GPD2: variants seen among roughly 807,000 people sequenced by gnomAD.
The protein encoded by GPD2 is glycerol-3-phosphate dehydrogenase, mitochondrial.
GPD2 carries 54 observed loss-of-function variants against 82.4 expected under a neutral mutation model. The ratio of observed to expected loss-of-function variants is 0.66; its 90% CI spans 0.53 to 0.82. GPD2 has a LOEUF of 0.82. GPD2 is among the 40% of genes least tolerant of loss of function. The pLI is 0.00. For missense variants in GPD2, 748 were observed against 896.2 expected (o/e 0.83, Z 2.11); for synonymous variants, 288 against 306.1 (o/e 0.94, Z 0.62).
rs139527634 is a variant in GPD2 at position 156,441,384 on chromosome 2, T to G, written c.-9+4871T>G. Among the ~76,000 whole-genome samples the G allele has an allele frequency of 1.7e-3, 266 of 152,114 alleles. 1 individual carries two copies. The highest frequency in any genetic ancestry group is 6.0e-3 in the African/African-American group (251 of 41,494). ...CTGGGCCACGTGGAGAGACCCTGTC[T>G]CTACAAAAAATTAAAAAAGAAAAAA... On this transcript the variant is annotated intron_variant, in intron 1 of 16. Transcript: ENST00000438166.
chr2:156,430,350 A>G (rs146392920), upstream of GPD2, among the ~76,000 whole-genome samples: 543 of 152,312 alleles, frequency 3.6e-3, 3 homozygotes, highest in African/African-American at 0.012. Flanking sequence ...AAGAAAAAAA[A>G]ACAGAAAAAC....
Position 156,583,162 on chromosome 2 carries a change from A to G in GPD2, c.*244A>G, listed in dbSNP as rs1485649987. On this transcript the variant is annotated 3_prime_UTR_variant, in exon 17 of 17. Transcript: ENST00000438166. ...TTTCTTTTTCTCATTTTCAATGCACATTAGTTTTGCATCTGTTTTGTGACC... is the reference window on the plus strand; with the variant it reads ...TTTCTTTTTCTCATTTTCAATGCACGTTAGTTTTGCATCTGTTTTGTGACC... 8.5e-6 allele frequency: 4 copies of G among 468,342 alleles called. No homozygotes were observed. Among genetic ancestry groups the G allele is most frequent in the African/African-American group, 2.0e-5 (1 of 50,488 alleles). The allele number at this position is 468,342 out of a possible 1,614,324, so 29.0% of individuals were successfully genotyped here.
At chr2:156,514,754 C>T (rs921200476) in intron 6 of GPD2, among the ~76,000 whole-genome samples, 14 of 152,212 alleles carry the variant, frequency 9.2e-5, no homozygotes, top group African/African-American at 2.4e-4. Context: ...ACAGTGCTTC[C>T]GAGCATCTGA....
intron 1 of GPD2, among the ~76,000 whole-genome samples, chr2:156,442,528 T>C (rs1002622741): frequency 6.6e-6 from 1 of 152,192 alleles, no homozygotes; most frequent in African/African-American, 2.4e-5. Context: ...AGAAAGGATA[T>C]TGGCTAAGTG....
chr2:156,560,832 A>G (rs904456455), intron 9 of GPD2, among the ~76,000 whole-genome samples: 2 of 152,278 alleles, frequency 1.3e-5, no homozygotes, highest in Middle Eastern at 3.4e-3. Flanking sequence ...CAGTTATTCA[A>G]TTACATGCTA....
chr2:156,513,626 C>A (rs1685087489), intron 6 of GPD2, 130 bp downstream of exon 6: 2 of 738,294 alleles, frequency 2.7e-6, no homozygotes, highest in South Asian at 3.1e-5. Flanking sequence ...AACACACGTG[C>A]ACGCACATAT....
chr2:156,543,789 G>A (rs1686419577), intron 6 of GPD2, among the ~76,000 whole-genome samples: 1 of 152,176 alleles, frequency 6.6e-6, no homozygotes, highest in African/African-American at 2.4e-5. Context: ...TAGGACGAAT[G>A]TGAAGGAGTG....
At chr2:156,419,184 C>T in the GPD2 span, among the ~76,000 whole-genome samples, 1 of 151,544 alleles carries the variant, frequency 6.6e-6, no homozygotes, top group Non-Finnish European at 1.5e-5. Flanking sequence ...CTCAGCCCCC[C>T]AAGTAGCTGA....
chr2:156,530,660 A>G (rs1320363517), intron 6 of GPD2, among the ~76,000 whole-genome samples: 1 of 151,938 alleles, frequency 6.6e-6, no homozygotes, highest in Non-Finnish European at 1.5e-5. Context: ...AATTTTGTCA[A>G]AGGCCTTTTC....
chr2:156,456,956 C>T (rs1486460229), intron 1 of GPD2, among the ~76,000 whole-genome samples: 1 of 152,148 alleles, frequency 6.6e-6, no homozygotes, highest in Non-Finnish European at 1.5e-5. Context: ...CACTGACCCT[C>T]GTTCCCCAGT....
intron 6 of GPD2, among the ~76,000 whole-genome samples, chr2:156,519,544 G>C (rs1056672727): frequency 6.6e-6 from 1 of 152,086 alleles, no homozygotes; most frequent in Non-Finnish European, 1.5e-5. Flanking sequence ...TACCCTTTTT[G>C]TATCCTTATT....
chr2:156,586,152 G>C lies in GPD2; in HGVS notation c.*3234G>C, dbSNP rs780017742. On this transcript the variant is annotated 3_prime_UTR_variant, in exon 17 of 17. Transcript: ENST00000438166. ...TGAATCAATAAAACTGATTAAAATG[G>C]TCTATTTGCTAGCATTTTGATGTTA... 2 of 152,328 alleles carry C rather than the reference G, an allele frequency of 1.3e-5. No individual in the cohort carries two copies. The highest frequency in any genetic ancestry group is 2.9e-5 in the Non-Finnish European group (2 of 67,936). The allele number at this position is 152,328 out of a possible 1,614,324, so 9.4% of individuals were successfully genotyped here.
In GPD2 at chr2:156,461,867, G is replaced by C. The variant is rs577592014; in HGVS notation, c.-8-14231G>C. 3.9e-5 allele frequency among the ~76,000 whole-genome samples: 6 copies of C among 152,336 alleles called. No homozygotes were observed. The East Asian group carries it at 1.2e-3, about 29-fold the overall frequency. On this transcript the variant is annotated intron_variant, in intron 1 of 16. Transcript: ENST00000438166. The stretch of plus-strand genomic sequence containing the variant: ...GCCAGGTATTCAGTCAATCCCAGTT[G>C]AATGTATGTTACCTGAACCAATGCT...
Position 156,535,118 on chromosome 2 carries a change from G to T in GPD2, c.662-14490G>T, listed in dbSNP as rs75712410. 9.1e-3 allele frequency among the ~76,000 whole-genome samples: 1,391 copies of T among 152,046 alleles called. 22 individuals are homozygous for T. Among genetic ancestry groups the T allele is most frequent in the African/African-American group, 0.031 (1,301 of 41,452 alleles). On this transcript the variant is annotated intron_variant, in intron 6 of 16. Transcript: ENST00000438166. ...TAGGGCCTGAATCATGGAGGACAAGGTATGCCAGGATGAGGAGTTTAGTTT... is the reference window on the plus strand; with the variant it reads ...TAGGGCCTGAATCATGGAGGACAAGTTATGCCAGGATGAGGAGTTTAGTTT...
At chr2:156,489,897 C>T (rs1375846095) in intron 2 of GPD2, among the ~76,000 whole-genome samples, 1 of 139,030 alleles carries the variant, frequency 7.2e-6, no homozygotes, top group Non-Finnish European at 1.6e-5. Context: ...CCCCTCCTTC[C>T]TTCACTACCC....
intron 6 of GPD2, among the ~76,000 whole-genome samples, chr2:156,539,178 TAG>T (rs1244415035): frequency 3.9e-5 from 6 of 152,210 alleles, no homozygotes; most frequent in Non-Finnish European, 7.3e-5. Context: ...TTAACAATAT[TAG>T]CTTCATTCTT....
rs200512031 is a variant in GPD2 at position 156,463,281 on chromosome 2, A to AT, written c.-8-12807dup. ...GTATTTTAATCCAAAAGAATACAGAATTTTTTTTTTAACTGTATACTCCAC... is the reference window on the plus strand; with the variant it reads ...GTATTTTAATCCAAAAGAATACAGAATTTTTTTTTTTAACTGTATACTCCAC... On this transcript the variant is annotated intron_variant, in intron 1 of 16. Transcript: ENST00000438166. Among the ~76,000 whole-genome samples the AT allele has an allele frequency of 7.4e-3, 1,120 of 150,892 alleles. 13 individuals are homozygous for AT. Among genetic ancestry groups the AT allele is most frequent in the African/African-American group, 0.026 (1,059 of 41,206 alleles).
chr2:156,562,777 T>C (rs1687223853), intron 9 of GPD2, among the ~76,000 whole-genome samples: 1 of 152,194 alleles, frequency 6.6e-6, no homozygotes, highest in Non-Finnish European at 1.5e-5. Context: ...GCCGTGAAAA[T>C]TGTCTGTTCA....
In GPD2 at chr2:156,557,658, G is replaced by A. The variant is rs1263059244; in HGVS notation, c.1165+76G>A. On this transcript the variant is annotated intron_variant, in intron 9 of 16. Coordinates refer to ENST00000438166, the MANE Select transcript of GPD2 (RefSeq NM_000408.5). ...CCATTCCAGCTCTCACTGGATAAAT[G>A]CTATGTCTCCAGTCTGACTCATCTT... 10 of 847,056 alleles carry A rather than the reference G, an allele frequency of 1.2e-5. No homozygotes were observed. In the East Asian group the frequency reaches 2.5e-4, roughly 21 times the overall value. 52.5% of individuals were successfully genotyped at this position (847,056 alleles called of 1,614,324 possible).
Sources: gnomAD v4.1 joint callset for allele counts (sites outside exome capture counted in the v4.1 genomes callset) on GRCh38, gnomAD v4.1.1 for gene constraint, MANE v1.5 for transcripts, NCBI Gene and HGNC (gene_info 2026-07-23, HGNC 2026-07-21) for gene names.